OSBPL1A: variants seen among roughly 807,000 people sequenced by gnomAD.
OSBPL1A encodes the protein oxysterol-binding protein-related protein 1.
In OSBPL1A, 80 loss-of-function variants were observed where a neutral mutation model predicts 137.1. That is an observed-to-expected ratio of 0.58 (90% confidence interval 0.49 to 0.70). The LOEUF (loss-of-function observed/expected upper bound fraction) is 0.70. OSBPL1A is among the 30% of genes least tolerant of loss of function. The pLI, the probability that OSBPL1A is intolerant of heterozygous loss-of-function variation, is 0.00. For missense variants in OSBPL1A, 970 were observed against 1,129.4 expected, an observed-to-expected ratio of 0.86 and a Z score of 2.02; for synonymous variants, 365 against 389.7, an observed-to-expected ratio of 0.94 and a Z score of 0.75.
At chr18:24,332,822 TTAAA>T (rs1050475955) in intron 7 of OSBPL1A, 116 bp downstream of exon 7, 16 of 1,254,546 alleles carry the variant, frequency 1.3e-5, no homozygotes, top group African/African-American at 3.0e-5. Context: ...GGCTCCAAAA[TTAAA>T]TAGAAACCAT....
intron 2 of OSBPL1A, among the ~76,000 whole-genome samples, chr18:24,375,827 GA>G (rs1177299298): frequency 2.6e-5 from 4 of 151,658 alleles, no homozygotes; most frequent in Non-Finnish European, 5.9e-5. Context: ...TCTTCAAGAA[GA>G]AAAAAAAATT....
At chr18:24,348,236 T>C (rs936095927) in intron 4 of OSBPL1A, among the ~76,000 whole-genome samples, 2 of 152,044 alleles carry the variant, frequency 1.3e-5, no homozygotes, top group African/African-American at 4.8e-5. Context: ...CTGAGAAAAA[T>C]CAAAGATATA....
At chr18:24,346,618 TTA>T (rs2091350262) in intron 4 of OSBPL1A, among the ~76,000 whole-genome samples, 1 of 152,232 alleles carries the variant, frequency 6.6e-6, no homozygotes, top group Non-Finnish European at 1.5e-5. Context: ...CAAGGTTCAT[TTA>T]TGTTTTGGTG....
intron 21 of OSBPL1A, among the ~76,000 whole-genome samples, chr18:24,175,576 T>A (rs577961908): frequency 5.3e-5 from 8 of 152,234 alleles, no homozygotes; most frequent in African/African-American, 1.9e-4. Context: ...AAATAATTTT[T>A]ACTATTCTAT....
Position 24,163,026 on chromosome 18 carries a change from T to C in OSBPL1A, c.*153A>G, listed in dbSNP as rs2086055957. The C allele has an allele frequency of 1.8e-6, 1 of 569,080 alleles. No homozygotes were observed. The highest frequency in any genetic ancestry group is 1.9e-5 in the African/African-American group (1 of 52,368). 35.3% of individuals were successfully genotyped at this position (569,080 alleles called of 1,614,324 possible). On this transcript the variant is annotated 3_prime_UTR_variant, in exon 28 of 28. Transcript: ENST00000319481. ...GACTTTCATCACCAATATCGCCTTA[T>C]ACCCTGCTTTTGTTGGGTGAAATGC...
intron 21 of OSBPL1A, among the ~76,000 whole-genome samples, chr18:24,173,677 T>G (rs1453503930): frequency 6.6e-6 from 1 of 152,232 alleles, no homozygotes; most frequent in East Asian, 1.9e-4. Flanking sequence ...CCTCCCAAAG[T>G]GCTGGGATTA....
chr18:24,280,789 A>G, intron 15 of OSBPL1A, 53 bp downstream of exon 15: 2 of 1,247,326 alleles, frequency 1.6e-6, no homozygotes, highest in Non-Finnish European at 2.2e-6. Flanking sequence ...ATGGACAACC[A>G]CGCATGCAAC....
chr18:24,181,262 C>G lies in OSBPL1A; in HGVS notation c.1695G>C (p.Thr565=). ...GAGGCTCATTAAATATAACTGGCAT[C>G]GTGATCTTGGATAGTTCCTATTTAA... ...KCIGMELSKI[T]MPVIFNEPLS... The change falls in exon 19 of 28, where the codon ACG becomes ACC. Residue 565 remains threonine, a synonymous_variant. Coordinates refer to ENST00000319481, the MANE Select transcript of OSBPL1A (RefSeq NM_080597.4). The G allele has an allele frequency of 1.9e-6, 3 of 1,614,078 alleles. No homozygotes were observed. The highest frequency in any genetic ancestry group is 8.5e-7 in the Non-Finnish European group (1 of 1,180,002).
At chr18:24,253,164 T>TCGG (rs1555638392) in intron 15 of OSBPL1A, among the ~76,000 whole-genome samples, 1 of 58,062 alleles carries the variant, frequency 1.7e-5, no homozygotes. Context: ...TGAAAAGACA[T>TCGG]GGCGGGGGGG....
At position 24,239,377 on chromosome 18, in the gene OSBPL1A, C is replaced by T. The variant is rs941204108; in HGVS notation, c.1287G>A (p.Arg429=). The T allele has an allele frequency of 1.7e-5, 28 of 1,613,172 alleles. No homozygotes were observed. Among genetic ancestry groups the T allele is most frequent in the Admixed American group, 3.3e-5 (2 of 59,936 alleles). ...CTTGCTCTTGTTCCAATTTAAAATTCCTCACCTAGAAGAAAACAGATATAC... is the reference window on the plus strand; with the variant it reads ...CTTGCTCTTGTTCCAATTTAAAATTTCTCACCTAGAAGAAAACAGATATAC... ...LNLFTKQEGV[R]NFKLEQEQEK... The change falls in exon 16 of 28, where the codon AGG becomes AGA. Residue 429 remains arginine (R), a synonymous_variant. Transcript: ENST00000319481.
intron 14 of OSBPL1A, among the ~76,000 whole-genome samples, chr18:24,295,175 G>A (rs967030913): frequency 6.6e-6 from 1 of 152,108 alleles, no homozygotes; most frequent in Non-Finnish European, 1.5e-5. Flanking sequence ...GTGCTGTTGA[G>A]CATTTTTTTA....
intron 14 of OSBPL1A, among the ~76,000 whole-genome samples, chr18:24,300,617 C>T (rs190563463): frequency 2.0e-4 from 30 of 152,216 alleles, no homozygotes; most frequent in Admixed American, 1.4e-3. Flanking sequence ...GGATATAGAA[C>T]TCAACAAGTA....
At position 24,178,042 on chromosome 18, in the gene OSBPL1A, G is replaced by T; in HGVS notation, c.2064C>A (p.Pro688=). 2 of 1,613,754 alleles carry T rather than the reference G, an allele frequency of 1.2e-6. No individual in the cohort carries two copies. The highest frequency in any genetic ancestry group is 1.7e-6 in the Non-Finnish European group (2 of 1,179,898). Residue 688 remains proline (P), a synonymous_variant, in exon 21 of 28, where the codon CCC becomes CCA. Transcript: ENST00000319481. The stretch of plus-strand genomic sequence containing the variant: ...GGAGCTCCAAGGTGATGGTTCCTTT[G>T]GGTTCTGCTTCTACACTCTTCCCCC... ...KFWGKSVEAE[P]KGTITLELLE...
intron 4 of OSBPL1A, among the ~76,000 whole-genome samples, chr18:24,355,220 A>T (rs893179648): frequency 6.6e-6 from 1 of 151,904 alleles, no homozygotes; most frequent in South Asian, 2.1e-4. Context: ...CCAATCTAGC[A>T]TGCCCACTTA....
At position 24,286,868 on chromosome 18, in the gene OSBPL1A, G is replaced by A. The variant is rs77602262; in HGVS notation, c.1175-5920C>T. ...ACCAGCTAAGTGCTGGAGAAAAAGG[G>A]GTAAGTTGGACAGACAGTCTTTGTT... On this transcript the variant is annotated intron_variant, in intron 14 of 27. Coordinates refer to ENST00000319481, the MANE Select transcript of OSBPL1A (RefSeq NM_080597.4). 5.2e-3 allele frequency among the ~76,000 whole-genome samples: 789 copies of A among 152,268 alleles called. 12 individuals carry two copies. The highest frequency in any genetic ancestry group is 0.018 in the African/African-American group (730 of 41,548).
At chr18:24,289,338 C>T (rs2090131566) in intron 14 of OSBPL1A, among the ~76,000 whole-genome samples, 1 of 151,786 alleles carries the variant, frequency 6.6e-6, no homozygotes, top group South Asian at 2.1e-4. Context: ...TTCTCCTGTT[C>T]CTCCTATTCC....
intron 13 of OSBPL1A, chr18:24,311,450 T>C (rs2090618252): frequency 2.0e-5 from 20 of 985,308 alleles, no homozygotes; most frequent in Non-Finnish European, 2.4e-5. Flanking sequence ...TTCATTTCAA[T>C]TACCTATGCT....
chr18:24,314,391 A>G (rs1390283270), intron 11 of OSBPL1A, 44 bp from the exon 12 acceptor site: 1 of 1,318,378 alleles, frequency 7.6e-7, no homozygotes, highest in Admixed American at 2.1e-5. Context: ...ATTCACATAA[A>G]AGAGGACCCT....
intron 1 of OSBPL1A, among the ~76,000 whole-genome samples, chr18:24,381,119 A>G (rs1021683962): frequency 6.6e-6 from 1 of 152,194 alleles, no homozygotes; most frequent in African/African-American, 2.4e-5. Flanking sequence ...AGTTACAAGG[A>G]CCACTGCAAG....
Sources: gnomAD v4.1 joint callset for allele counts (sites outside exome capture counted in the v4.1 genomes callset) on GRCh38, gnomAD v4.1.1 for gene constraint, MANE v1.5 for transcripts, NCBI Gene and HGNC (gene_info 2026-07-23, HGNC 2026-07-21) for gene names.